Variants in CARD8 observed in about 807,000 individuals in gnomAD.
The protein encoded by CARD8 is caspase recruitment domain-containing protein 8.
In CARD8, 38 loss-of-function variants were observed where a neutral mutation model predicts 53.2. That is an observed-to-expected ratio of 0.71 (90% CI 0.55 to 0.94). The LOEUF (loss-of-function observed/expected upper bound fraction) is 0.94, where lower values mean the gene tolerates loss of function less well. Among genes scored for constraint, CARD8 ranks in the 40% least tolerant of loss-of-function variants. CARD8 has a pLI of 0.00. For missense variants in CARD8, 561 were observed against 655.5 expected, an observed-to-expected ratio of 0.86 and a Z score of 1.57; for synonymous variants, 245 against 244.9, an observed-to-expected ratio of 1.00 and a Z score of 0.00.
intron 10 of CARD8, chr19:48,223,797 A>G (rs1213151641): frequency 2.2e-6 from 1 of 455,346 alleles, no homozygotes; most frequent in East Asian, 6.9e-5. Context: ...ATAGCATTCC[A>G]TGTAATATCT....
intron 10 of CARD8, among the ~76,000 whole-genome samples, chr19:48,222,519 T>C (rs2145803279): frequency 6.6e-6 from 1 of 152,150 alleles, no homozygotes; most frequent in East Asian, 1.9e-4. Flanking sequence ...CGAAACCCCG[T>C]CTCTACTAAA....
chr19:48,245,815 A>G, intron 3 of CARD8, among the ~76,000 whole-genome samples: 1 of 148,516 alleles, frequency 6.7e-6, no homozygotes, highest in South Asian at 2.1e-4. Flanking sequence ...ATTGTATTAT[A>G]TATACATTTA....
intron 13 of CARD8, among the ~76,000 whole-genome samples, chr19:48,213,910 C>T (rs541549605): frequency 1.3e-5 from 2 of 152,264 alleles, no homozygotes; most frequent in South Asian, 4.1e-4. Context: ...CAAAATATTT[C>T]AACTTTTATT....
chr19:48,254,889 T>G (rs1470210184), intron 1 of CARD8, among the ~76,000 whole-genome samples: 2 of 152,244 alleles, frequency 1.3e-5, no homozygotes, highest in East Asian at 3.8e-4. Flanking sequence ...CAAGGAATGC[T>G]GCCCAGCAAC....
At chr19:48,248,168 G>A (rs1352240752) in intron 3 of CARD8, among the ~76,000 whole-genome samples, 1 of 152,030 alleles carries the variant, frequency 6.6e-6, no homozygotes, top group Admixed American at 6.6e-5. Flanking sequence ...TTCTTGTATA[G>A]TATTTTATGT....
intron 5 of CARD8, among the ~76,000 whole-genome samples, chr19:48,235,520 TG>T (rs1161972897): frequency 6.6e-6 from 1 of 152,026 alleles, no homozygotes; most frequent in Non-Finnish European, 1.5e-5. Flanking sequence ...TTCTGGGTAA[TG>T]GACATAGGCA....
intron 12 of CARD8, 98 bp from the exon 13 acceptor site, chr19:48,215,482 T>C (rs1314990234): frequency 6.2e-6 from 5 of 809,970 alleles, no homozygotes; most frequent in African/African-American, 5.1e-5. Context: ...AATAATTTAA[T>C]TCTACATATG....
chr19:48,223,649 CAAAT>C (rs2041144223), intron 10 of CARD8: 1 of 294,104 alleles, frequency 3.4e-6, no homozygotes, highest in Non-Finnish European at 6.7e-6. Context: ...ACTAAATCAC[CAAAT>C]AAATCCATAT....
intron 5 of CARD8, among the ~76,000 whole-genome samples, chr19:48,237,155 C>T (rs1361906634): frequency 6.6e-6 from 1 of 151,958 alleles, no homozygotes. Context: ...TTAATTGGCT[C>T]ATGGTGCTGC....
chr19:48,219,321 G>T (rs10412481), intron 11 of CARD8, among the ~76,000 whole-genome samples: 1 of 151,994 alleles, frequency 6.6e-6, no homozygotes, highest in African/African-American at 2.4e-5. Flanking sequence ...GATGCGACCA[G>T]CTCAGAATCC....
Position 48,230,911 on chromosome 19 carries a change from G to A in CARD8, c.638C>T (p.Ser213Phe), listed in dbSNP as rs1164327378. Residue 213 changes from serine (S) to phenylalanine (F), a missense_variant, in exon 9 of 14, where the codon TCC becomes TTC. Coordinates refer to ENST00000651546, the MANE Select transcript of CARD8 (RefSeq NM_001184900.3). ...GTCCAGGGCCAGGTGCTGACTCCAG[G>A]AACCAAACGCAATCGTCACTGTGAC... is the stretch of plus-strand genomic sequence containing the variant. ...DEVTVTIAFG[S>F]WSQHLALDLQ... 1 of 1,614,176 alleles carries A rather than the reference G, an allele frequency of 6.2e-7. No individual in the cohort carries two copies. Among genetic ancestry groups the A allele is most frequent in the Non-Finnish European group, 8.5e-7 (1 of 1,180,032 alleles).
Position 48,231,722 on chromosome 19 carries a change from C to G in CARD8, c.480G>C (p.Gln160His), listed in dbSNP as rs145216351. The G allele has an allele frequency of 5.6e-6, 9 of 1,613,558 alleles. No homozygotes were observed. The African/African-American group carries it at 1.2e-4, about 22-fold the overall frequency. ...CCACATTTCCTTCAGGCCCCAGAAA[C>G]TGACGATTTTTATAATCTTCTTCGA... The part of the protein sequence containing the change: ...FEIEEDYKNR[Q>H]FLGPEGNVDV... Residue 160 changes from glutamine to histidine, a missense_variant, in exon 8 of 14, where the codon CAG (glutamine) becomes CAC (histidine). Gln to His is a conservative substitution (Grantham distance 24). Transcript: ENST00000651546.
At position 48,230,774 on chromosome 19, in the gene CARD8, T is replaced by A. The variant is rs1244443712; in HGVS notation, c.772+3A>T. On this transcript the variant is annotated splice_donor_region_variant and intron_variant, in intron 9 of 13. Transcript: ENST00000651546. ...CCCACAGCCTCCGCTCACCCCACAT[T>A]ACCTTGGAGGGAGATGAAGTGGGGG... is the stretch of plus-strand genomic sequence containing the variant. 6.2e-7 allele frequency: 1 copy of A among 1,613,924 alleles called. No individual in the cohort carries two copies. Among genetic ancestry groups the A allele is most frequent in the Non-Finnish European group, 8.5e-7 (1 of 1,179,832 alleles).
intron 13 of CARD8, chr19:48,213,201 C>T (rs181910817): frequency 3.3e-5 from 5 of 152,282 alleles, no homozygotes; most frequent in Non-Finnish European, 7.3e-5. Context: ...TCATTTGCCA[C>T]ACAAGACTTT....
In CARD8 at chr19:48,217,226, G is replaced by A. The variant is rs544056634; in HGVS notation, c.1303+1645C>T. 1.9e-4 allele frequency among the ~76,000 whole-genome samples: 29 copies of A among 152,270 alleles called. No homozygotes were observed. In the South Asian group the frequency reaches 4.6e-3, roughly 24 times the overall value. On this transcript the variant is annotated intron_variant, in intron 12 of 13. Coordinates refer to ENST00000651546, the MANE Select transcript of CARD8 (RefSeq NM_001184900.3). ...TCCTCTGTGCAACCCGGTTTCTAAC[G>A]GGCCACAGACCGGTACCAGTCCCTA...
chr19:48,238,917 G>A (rs546893823), intron 4 of CARD8, among the ~76,000 whole-genome samples: 8 of 152,230 alleles, frequency 5.3e-5, no homozygotes, highest in East Asian at 1.9e-4. Flanking sequence ...TTACCACTTC[G>A]TAGACAATGA....
rs181060186 is a variant in CARD8, at chr19:48,234,597, T to C, written c.210-54A>G. The stretch of plus-strand genomic sequence containing the variant: ...TGAATATAAGGTAGGTGCCTGATGA[T>C]AGCATAGGCTGTGCAGGAAGATTTT... On this transcript the variant is annotated intron_variant, in intron 5 of 13. Coordinates refer to ENST00000651546, the MANE Select transcript of CARD8 (RefSeq NM_001184900.3). 2.7e-5 allele frequency: 41 copies of C among 1,495,324 alleles called. No homozygotes were observed. In the African/African-American group the frequency reaches 4.8e-4, roughly 17 times the overall value. The allele number at this position is 1,495,324 out of a possible 1,614,324, so 92.6% of individuals were successfully genotyped here.
intron 13 of CARD8, among the ~76,000 whole-genome samples, chr19:48,214,192 C>T (rs939359647): frequency 1.3e-5 from 2 of 152,204 alleles, no homozygotes; most frequent in African/African-American, 2.4e-5. Context: ...AGGAATGGAG[C>T]CTTGCTGAGA....
Position 48,208,277 on chromosome 19 carries a change from T to A in CARD8, c.*3433A>T, listed in dbSNP as rs1599975119. On this transcript the variant is annotated 3_prime_UTR_variant, in exon 14 of 14. Transcript: ENST00000651546. Reference sequence around the variant, plus strand: ...GAATCTGAGCATATAAAGACTTTTATGAATTCTAACGCCCAACCCCAACTT... The same window carrying A: ...GAATCTGAGCATATAAAGACTTTTAAGAATTCTAACGCCCAACCCCAACTT... 2 of 152,314 alleles carry A rather than the reference T, an allele frequency of 1.3e-5. No homozygotes were observed. The allele number at this position is 152,314 out of a possible 1,614,324, so 9.4% of individuals were successfully genotyped here.
Sources: gnomAD v4.1 joint callset for allele counts (sites outside exome capture counted in the v4.1 genomes callset) on GRCh38, gnomAD v4.1.1 for gene constraint, MANE v1.5 for transcripts, NCBI Gene and HGNC (gene_info 2026-07-23, HGNC 2026-07-21) for gene names.